CENPK: variants seen among roughly 807,000 people sequenced by gnomAD.
CENPK encodes SoxLZ/Sox6-binding protein Solt.
CENPK carries 46 observed loss-of-function variants against 40.9 expected under a neutral mutation model. The ratio of observed to expected loss-of-function variants is 1.13; its 90% CI spans 0.89 to 1.44. The LOEUF (loss-of-function observed/expected upper bound fraction) is 1.44. Among genes scored for constraint, CENPK ranks in the 40% most tolerant of loss-of-function variants. The probability of loss-of-function intolerance (pLI) is 0.00; values close to 1 mark genes in which losing one functional copy is unlikely to be tolerated. For missense variants in CENPK, 288 were observed against 303.5 expected, an observed-to-expected ratio of 0.95 and a Z score of 0.38; for synonymous variants, 107 against 104.4, an observed-to-expected ratio of 1.02 and a Z score of -0.15.
intron 10 of CENPK, 26 bp from the exon 11 acceptor site, chr5:65,518,659 T>A: frequency 6.7e-7 from 1 of 1,486,028 alleles, no homozygotes. Context: ...ATTCAAAATA[T>A]ACTTTACTTG....
intron 6 of CENPK, among the ~76,000 whole-genome samples, chr5:65,538,934 G>A (rs1250786705): frequency 6.6e-6 from 1 of 152,210 alleles, no homozygotes; most frequent in East Asian, 1.9e-4. Flanking sequence ...GAGTTTTGCA[G>A]TAACAGGTTC....
chr5:65,496,897 A>T, the CENPK span, among the ~76,000 whole-genome samples: 1 of 149,166 alleles, frequency 6.7e-6, no homozygotes, highest in African/African-American at 2.5e-5. Flanking sequence ...ACTAAAAAAA[A>T]TACAAAAAAA....
chr5:65,520,789 C>T (rs1743584108), intron 10 of CENPK, among the ~76,000 whole-genome samples: 2 of 152,244 alleles, frequency 1.3e-5, no homozygotes, highest in South Asian at 2.1e-4. Flanking sequence ...AAAGGGGGTA[C>T]ACTAATTGGT....
At chr5:65,561,205 A>G (rs1368015644) in intron 2 of CENPK, 2 of 241,354 alleles carry the variant, frequency 8.3e-6, no homozygotes, top group South Asian at 5.0e-5. Flanking sequence ...TGCTATACCC[A>G]TAAGATACAG....
At chr5:65,509,852 TTTC>T in the CENPK span, among the ~76,000 whole-genome samples, 1 of 152,250 alleles carries the variant, frequency 6.6e-6, no homozygotes, top group Non-Finnish European at 1.5e-5. Context: ...TTTCAAAACT[TTTC>T]ATTATTATTA....
chr5:65,500,514 T>A, the CENPK span, among the ~76,000 whole-genome samples: 2 of 151,334 alleles, frequency 1.3e-5, no homozygotes, highest in Non-Finnish European at 2.9e-5. Context: ...TTTGATGGGG[T>A]TGTTTGTTTT....
intron 6 of CENPK, chr5:65,541,550 CT>C: frequency 2.3e-6 from 1 of 428,074 alleles, no homozygotes; most frequent in South Asian, 1.7e-5. Flanking sequence ...TTTTTCCTCT[CT>C]ATCCTTAGAC....
intron 1 of CENPK, 63 bp from the exon 2 acceptor site, chr5:65,561,627 T>A (rs750667771): frequency 1.4e-5 from 5 of 349,058 alleles, no homozygotes; most frequent in Non-Finnish European, 3.0e-5. Flanking sequence ...CACTTAAGAG[T>A]TGAACTTTTC....
intron 2 of CENPK, among the ~76,000 whole-genome samples, chr5:65,559,401 G>A (rs113339851): frequency 6.3e-4 from 96 of 151,958 alleles, no homozygotes; most frequent in African/African-American, 2.3e-3. Flanking sequence ...AGGCCGAGGC[G>A]GGCGGATCAC....
intron 5 of CENPK, 131 bp downstream of exon 5, chr5:65,551,433 C>A (rs1750028592): frequency 2.2e-5 from 12 of 538,110 alleles, no homozygotes; most frequent in African/African-American, 7.9e-5. Context: ...AAAAAAGTGG[C>A]TTCTCGGTAT....
Position 65,560,712 on chromosome 5 carries a change from T to C in CENPK, c.-40+751A>G, listed in dbSNP as rs973318224. ...CATTCAGAATGGCAATAATGTAAAATTGGTAAGAGATAATACTGGCAAGCA... is the reference window on the plus strand; with the variant it reads ...CATTCAGAATGGCAATAATGTAAAACTGGTAAGAGATAATACTGGCAAGCA... On this transcript the variant is annotated intron_variant, in intron 2 of 10. Coordinates refer to ENST00000396679, the MANE Select transcript of CENPK (RefSeq NM_022145.5). 2.0e-5 allele frequency among the ~76,000 whole-genome samples: 3 copies of C among 152,254 alleles called. No individual in the cohort carries two copies. The East Asian group carries it at 5.8e-4, about 29-fold the overall frequency.
chr5:65,553,607 T>C (rs1750499368), intron 3 of CENPK, among the ~76,000 whole-genome samples: 1 of 152,212 alleles, frequency 6.6e-6, no homozygotes, highest in African/African-American at 2.4e-5. Context: ...TTCTATATTC[T>C]CTATTTGGGG....
downstream of CENPK, among the ~76,000 whole-genome samples, chr5:65,516,302 T>C (rs753526956): frequency 9.2e-5 from 14 of 152,232 alleles, no homozygotes; most frequent in Non-Finnish European, 1.6e-4. Context: ...TTGATATAAA[T>C]TACTATATTT....
chr5:65,557,552 C>T (rs1751198660), intron 2 of CENPK, among the ~76,000 whole-genome samples: 1 of 152,156 alleles, frequency 6.6e-6, no homozygotes, highest in African/African-American at 2.4e-5. Context: ...AACATAAAGT[C>T]CATGAGGAAA....
At chr5:65,504,152 T>C in the CENPK span, among the ~76,000 whole-genome samples, 5 of 151,848 alleles carry the variant, frequency 3.3e-5, no homozygotes, top group East Asian at 7.8e-4. Context: ...TCTTGTCTTA[T>C]ATATTTTTTT....
intron 6 of CENPK, among the ~76,000 whole-genome samples, chr5:65,536,961 G>C (rs565047380): frequency 6.6e-6 from 1 of 152,294 alleles, no homozygotes; most frequent in African/African-American, 2.4e-5. Flanking sequence ...TGCCAGAATA[G>C]GTTAGTTGTC....
At chr5:65,524,381 A>G (rs950975265) in intron 9 of CENPK, among the ~76,000 whole-genome samples, 2 of 148,754 alleles carry the variant, frequency 1.3e-5, no homozygotes, top group Admixed American at 6.8e-5. Flanking sequence ...CGAGACTCCA[A>G]CTCAAAAAAA....
chr5:65,521,403 C>T (rs1743715037), intron 10 of CENPK, 72 bp downstream of exon 10: 3 of 1,135,938 alleles, frequency 2.6e-6, no homozygotes, highest in Non-Finnish European at 3.9e-6. Flanking sequence ...TTTTGTTTTT[C>T]AAGTCTGAGT....
the CENPK span, among the ~76,000 whole-genome samples, chr5:65,497,364 C>T: frequency 5.3e-5 from 8 of 151,630 alleles, no homozygotes; most frequent in East Asian, 5.8e-4. Flanking sequence ...GTGGGACTCC[C>T]TTTCAAAAAA....
Sources: allele counts gnomAD v4.1 joint callset (sites outside exome capture counted in the v4.1 genomes callset), GRCh38; gene constraint gnomAD v4.1.1; transcripts MANE v1.5; gene names NCBI Gene and HGNC (gene_info 2026-07-23, HGNC 2026-07-21).